The following TCN2 variants were observed in gnomAD, a reference collection of about 807,000 sequenced individuals.
TCN2 encodes transcobalamin-2.
A neutral mutation model predicts 48.6 loss-of-function variants in TCN2; 34 were observed. The ratio of observed to expected loss-of-function variants is 0.70; its 90% CI spans 0.53 to 0.93. The LOEUF is 0.93. Among genes scored for constraint, TCN2 ranks in the 40% least tolerant of loss-of-function variants. The pLI, the probability that TCN2 is intolerant of heterozygous loss-of-function variation, is 0.00. For missense variants in TCN2, 652 were observed against 526.1 expected, an observed-to-expected ratio of 1.24 and a Z score of -2.34; for synonymous variants, 283 against 212.5, an observed-to-expected ratio of 1.33 and a Z score of -2.89.
In TCN2 at chr22:30,623,978, A is replaced by ATT. The variant is rs1602057262; in HGVS notation, c.1222+896_1222+897insTT. ...TATACATATATACACACACATATAT[A>ATT]TGTATACATATATACACACATATAT... On this transcript the variant is annotated intron_variant, in intron 8 of 8. Coordinates refer to ENST00000215838, the MANE Select transcript of TCN2 (RefSeq NM_000355.4). 2.8e-4 allele frequency among the ~76,000 whole-genome samples: 19 copies of ATT among 67,258 alleles called. 5 individuals are homozygous for ATT. Among genetic ancestry groups the ATT allele is most frequent in the South Asian group, 8.1e-4 (2 of 2,484 alleles). 44.1% of individuals were successfully genotyped at this position (67,258 alleles called of 152,430 possible).
At chr22:30,608,586 C>T (rs1291194236) in intron 1 of TCN2, among the ~76,000 whole-genome samples, 4 of 151,238 alleles carry the variant, frequency 2.6e-5, no homozygotes, top group East Asian at 1.9e-4. Flanking sequence ...GACAGGGTTT[C>T]GCCATGTTGC....
chr22:30,614,757 AAGTT>A (rs1230066081), intron 4 of TCN2, among the ~76,000 whole-genome samples: 6 of 152,044 alleles, frequency 3.9e-5, no homozygotes, highest in Admixed American at 6.5e-5. Context: ...AAAAATAAAA[AAGTT>A]AGCCGGGCAT....
At position 30,615,412 on chromosome 22, in the gene TCN2, T is replaced by G; in HGVS notation, c.692T>G (p.Leu231Trp). The change falls in exon 5 of 9, where the codon TTG becomes TGG. Residue 231 changes from leucine to tryptophan, a missense_variant. By Grantham distance (61) the Leu-to-Trp change is moderately conservative. Coordinates refer to ENST00000215838, the MANE Select transcript of TCN2 (RefSeq NM_000355.4). ...MAIRTVREEILKAQTPEGHFG... is the reference protein window; with the variant it reads ...MAIRTVREEIWKAQTPEGHFG... ...ATCAGAACAGTGCGAGAGGAGATCT[T>G]GAAGGCCCAGACCCCCGAGGGCCAC... The G allele has an allele frequency of 1.2e-6, 2 of 1,614,118 alleles. No homozygotes were observed. The highest frequency in any genetic ancestry group is 1.7e-6 in the Non-Finnish European group (2 of 1,180,026).
At chr22:30,611,106 A>G in intron 2 of TCN2, 43 bp downstream of exon 2, 1 of 1,613,112 alleles carries the variant, frequency 6.2e-7, no homozygotes, top group Non-Finnish European at 8.5e-7. Flanking sequence ...TCCACATACT[A>G]AGAGATGGGA....
chr22:30,614,220 A>G (rs981263553), intron 3 of TCN2, 129 bp from the exon 4 acceptor site: 9 of 1,225,414 alleles, frequency 7.3e-6, no homozygotes, highest in African/African-American at 3.0e-5. Flanking sequence ...GGCTGAGGCA[A>G]TGAAGGAATG....
chr22:30,614,772 G>A (rs2087589228), intron 4 of TCN2, among the ~76,000 whole-genome samples: 1 of 152,194 alleles, frequency 6.6e-6, no homozygotes, highest in Non-Finnish European at 1.5e-5. Flanking sequence ...AGCCGGGCAT[G>A]GTGGCACATG....
intron 7 of TCN2, among the ~76,000 whole-genome samples, chr22:30,622,311 T>A (rs1480983140): frequency 6.6e-6 from 1 of 152,200 alleles, no homozygotes; most frequent in Non-Finnish European, 1.5e-5. Flanking sequence ...TTTAAGAGGC[T>A]TCCTGTGGCA....
rs1479587262 is a variant in TCN2 at position 30,613,022 on chromosome 22, A to G, written c.407A>G (p.Glu136Gly). The G allele has an allele frequency of 6.2e-7, 1 of 1,614,054 alleles. No individual in the cohort carries two copies. Among genetic ancestry groups the G allele is most frequent in the Non-Finnish European group, 8.5e-7 (1 of 1,179,970 alleles). Reference protein sequence around the residue: ...RLVSQLKWFLEDEKRAIGHDH... With the variant: ...RLVSQLKWFLGDEKRAIGHDH... ...GTCTCACAGCTCAAATGGTTCCTGGAGGATGAGAAGAGAGCCATTGGTGAG... is the reference window on the plus strand; with the variant it reads ...GTCTCACAGCTCAAATGGTTCCTGGGGGATGAGAAGAGAGCCATTGGTGAG... The change falls in exon 3 of 9, where the codon GAG becomes GGG. Residue 136 changes from glutamate (E) to glycine (G), a missense_variant. By Grantham distance (98) the Glu-to-Gly change is moderately conservative (BLOSUM62 -2). Transcript: ENST00000215838.
rs913605422 is a variant in TCN2, at chr22:30,607,477, C to A, written c.64+82C>A. Reference sequence around the variant, plus strand: ...CTAGGGCATAGGATGAGGGAACTTACCTGCCCTTCTAAGCTCCCATAGCAG... The same window carrying A: ...CTAGGGCATAGGATGAGGGAACTTAACTGCCCTTCTAAGCTCCCATAGCAG... On this transcript the variant is annotated intron_variant, in intron 1 of 8. Transcript: ENST00000215838. 3.4e-6 allele frequency: 5 copies of A among 1,492,210 alleles called. No homozygotes were observed. The South Asian group carries it at 5.8e-5, about 17-fold the overall frequency. 92.4% of individuals were successfully genotyped at this position (1,492,210 alleles called of 1,614,324 possible).
At chr22:30,624,520 G>A (rs2087773890) in intron 8 of TCN2, among the ~76,000 whole-genome samples, 1 of 143,814 alleles carries the variant, frequency 7.0e-6, no homozygotes, top group Non-Finnish European at 1.6e-5. Context: ...CTTTCTGAGG[G>A]AGCCCACAAA....
chr22:30,612,898 G>T lies in TCN2; in HGVS notation c.283G>T (p.Asp95Tyr). 1 of 1,614,014 alleles carries T rather than the reference G, an allele frequency of 6.2e-7. No homozygotes were observed. Among genetic ancestry groups the T allele is most frequent in the South Asian group, 1.1e-5 (1 of 91,054 alleles). ...LGSAFSEDDGDCQGKPSMGQL... is the reference protein window; with the variant it reads ...LGSAFSEDDGYCQGKPSMGQL... ...GTCTGCCTTCAGCGAGGATGACGGT[G>T]ACTGCCAGGGCAAGCCTTCCATGGG... The change falls in exon 3 of 9, where the codon GAC becomes TAC. Residue 95 changes from aspartate to tyrosine, a missense_variant. Physicochemically the swap from Asp to Tyr is radical, Grantham distance 160. Transcript: ENST00000215838.
At chr22:30,614,522 C>T (rs1386460578) in intron 4 of TCN2, 21 bp downstream of exon 4, 2 of 1,613,884 alleles carry the variant, frequency 1.2e-6, no homozygotes, top group Non-Finnish European at 1.7e-6. Flanking sequence ...CAGACCGTGC[C>T]AAGGCCAGGC....
intron 5 of TCN2, 55 bp downstream of exon 5, chr22:30,615,528 T>C: frequency 1.9e-6 from 3 of 1,613,516 alleles, no homozygotes; most frequent in Non-Finnish European, 1.7e-6. Flanking sequence ...AGGGGTGGAG[T>C]GGTCAGGTGC....
intron 7 of TCN2, among the ~76,000 whole-genome samples, chr22:30,619,951 T>G (rs10439913): frequency 2.6e-5 from 4 of 151,960 alleles, no homozygotes; most frequent in Non-Finnish European, 5.9e-5. Context: ...CCTAGGAGTT[T>G]GAGACCAGCC....
chr22:30,610,876 C>G lies in TCN2; in HGVS notation c.70C>G (p.Pro24Ala), dbSNP rs755866662. 1.4e-5 allele frequency: 23 copies of G among 1,614,000 alleles called. No individual in the cohort carries two copies. Among genetic ancestry groups the G allele is most frequent in the Non-Finnish European group, 1.9e-5 (23 of 1,180,024 alleles). Residue 24 changes from proline to alanine, a missense_variant, in exon 2 of 9, where the codon CCA becomes GCA. Pro to Ala is a conservative substitution (Grantham distance 27). Coordinates refer to ENST00000215838, the MANE Select transcript of TCN2 (RefSeq NM_000355.4). Reference sequence around the variant, plus strand: ...GTACCATTTTCTTTTCTAAGAAATACCAGAGATGGACAGCCATCTGGTAGA... The same window carrying G: ...GTACCATTTTCTTTTCTAAGAAATAGCAGAGATGGACAGCCATCTGGTAGA... ...LGALTEMCEI[P>A]EMDSHLVEKL...
At chr22:30,610,769 G>C in intron 1 of TCN2, 102 bp from the exon 2 acceptor site, 2 of 1,243,964 alleles carry the variant, frequency 1.6e-6, no homozygotes, top group Non-Finnish European at 2.3e-6. Flanking sequence ...GGAGGTGGGG[G>C]TGAGGACATG....
Position 30,607,361 on chromosome 22 carries a change from T to A in TCN2, c.30T>A (p.Leu10=), listed in dbSNP as rs2145528985. 6.2e-7 allele frequency: 1 copy of A among 1,614,108 alleles called. No homozygotes were observed. Among genetic ancestry groups the A allele is most frequent in the South Asian group, 1.1e-5 (1 of 91,084 alleles). The change falls in exon 1 of 9, where the codon CTT becomes CTA. Residue 10 remains leucine (L), a synonymous_variant. Transcript: ENST00000215838. MRHLGAFLF[L]LGVLGALTEM... ...GGCACCTTGGGGCCTTCCTCTTCCT[T>A]CTGGGGGTCCTGGGGGCCCTCACTG...
chr22:30,608,522 G>A lies in TCN2; in HGVS notation c.64+1127G>A, dbSNP rs56014090. Among the ~76,000 whole-genome samples the A allele has an allele frequency of 2.6e-3, 394 of 151,358 alleles. 1 individual carries two copies. Among genetic ancestry groups the A allele is most frequent in the Non-Finnish European group, 4.1e-3 (277 of 67,898 alleles). The stretch of plus-strand genomic sequence containing the variant: ...CCCACCTCAGCCTCCCAAGTAGCTG[G>A]AGACTGCATGTGCATACTACCATGC... On this transcript the variant is annotated intron_variant, in intron 1 of 8. Coordinates refer to ENST00000215838, the MANE Select transcript of TCN2 (RefSeq NM_000355.4).
chr22:30,618,892 C>G (rs1036289852), intron 7 of TCN2, among the ~76,000 whole-genome samples: 32 of 152,010 alleles, frequency 2.1e-4, no homozygotes, highest in African/African-American at 7.2e-4. Flanking sequence ...TCCTCAGTCT[C>G]CCGAGTAGCT....
Sources: allele counts gnomAD v4.1 joint callset (sites outside exome capture counted in the v4.1 genomes callset), GRCh38; gene constraint gnomAD v4.1.1; transcripts MANE v1.5; gene names NCBI Gene and HGNC (gene_info 2026-07-23, HGNC 2026-07-21).